The following ESRRG variants were observed in gnomAD, a reference collection of about 807,000 sequenced individuals.
ESRRG encodes estrogen-related receptor gamma.
ESRRG carries 13 observed loss-of-function variants against 44.0 expected under a neutral mutation model. The observed-to-expected ratio is 0.30, with a 90% CI of 0.19 to 0.47. The LOEUF (loss-of-function observed/expected upper bound fraction) is 0.47, where lower values mean the gene tolerates loss of function less well. Among genes scored for constraint, ESRRG ranks in the 20% least tolerant of loss-of-function variants. ESRRG has a pLI of 1.00. For missense variants in ESRRG, 395 were observed against 580.6 expected, an observed-to-expected ratio of 0.68 and a Z score of 3.29; for synonymous variants, 215 against 214.6, an observed-to-expected ratio of 1.00 and a Z score of -0.02.
chr1:216,565,937 T>G (rs1354750228), intron 4 of ESRRG, among the ~76,000 whole-genome samples: 1 of 151,694 alleles, frequency 6.6e-6, no homozygotes, highest in Non-Finnish European at 1.5e-5. Context: ...GAAAATCCAA[T>G]AGTAAAGAGC....
At chr1:216,792,764 A>G (rs2094357712) in intron 2 of ESRRG, among the ~76,000 whole-genome samples, 2 of 152,198 alleles carry the variant, frequency 1.3e-5, no homozygotes, top group African/African-American at 4.8e-5. Flanking sequence ...CAAACTCTGC[A>G]TGAAATGTAG....
At chr1:217,120,800 C>T (rs1249861319) in intron 1 of ESRRG, among the ~76,000 whole-genome samples, 2 of 152,168 alleles carry the variant, frequency 1.3e-5, no homozygotes, top group Non-Finnish European at 2.9e-5. Flanking sequence ...CCTTAGTAGG[C>T]CTCCTATAAT....
intron 5 of ESRRG, among the ~76,000 whole-genome samples, chr1:216,556,929 A>G (rs1473054421): frequency 6.6e-6 from 1 of 152,194 alleles, no homozygotes; most frequent in Non-Finnish European, 1.5e-5. Flanking sequence ...GAGGAAACTA[A>G]GAAGAAACTG....
chr1:216,586,207 T>C (rs898700291), intron 3 of ESRRG, among the ~76,000 whole-genome samples: 1 of 152,152 alleles, frequency 6.6e-6, no homozygotes, highest in African/African-American at 2.4e-5. Flanking sequence ...CCTCCAGTAT[T>C]GTATAAGCCC....
intron 1 of ESRRG, among the ~76,000 whole-genome samples, chr1:217,038,934 G>T (rs967613143): frequency 1.3e-5 from 2 of 152,168 alleles, no homozygotes; most frequent in African/African-American, 4.8e-5. Flanking sequence ...CCTCTTGAAT[G>T]CTTTGCTGCT....
At chr1:216,889,324 G>A (rs957751708) in intron 2 of ESRRG, among the ~76,000 whole-genome samples, 5 of 152,292 alleles carry the variant, frequency 3.3e-5, no homozygotes, top group African/African-American at 7.2e-5. Context: ...AATGGTCAAC[G>A]TAGAGGGTTT....
intron 1 of ESRRG, among the ~76,000 whole-genome samples, chr1:216,681,723 T>G (rs569221040): frequency 6.6e-6 from 1 of 152,274 alleles, no homozygotes; most frequent in East Asian, 1.9e-4. Flanking sequence ...TTTAAAGAAG[T>G]AATTTTTGAA....
chr1:216,633,236 T>C (rs2064600351), intron 3 of ESRRG, among the ~76,000 whole-genome samples: 1 of 152,144 alleles, frequency 6.6e-6, no homozygotes, highest in Non-Finnish European at 1.5e-5. Flanking sequence ...GACAGGTGGA[T>C]GATTTATGCT....
chr1:216,914,651 T>C (rs763133081), intron 2 of ESRRG, among the ~76,000 whole-genome samples: 1 of 152,208 alleles, frequency 6.6e-6, no homozygotes, highest in Non-Finnish European at 1.5e-5. Flanking sequence ...GGTTTGATCT[T>C]GCACATGTTA....
intron 1 of ESRRG, among the ~76,000 whole-genome samples, chr1:216,984,047 A>AT (rs1491412824): frequency 1.5e-5 from 2 of 133,970 alleles, no homozygotes; most frequent in East Asian, 2.6e-4. Context: ...GATAATAAGA[A>AT]TGGGGGGGGG....
upstream of ESRRG, among the ~76,000 whole-genome samples, chr1:217,092,758 G>C (rs1237615078): frequency 6.6e-6 from 1 of 152,168 alleles, no homozygotes; most frequent in Non-Finnish European, 1.5e-5. Context: ...ATAGTGCTAA[G>C]TACAACACTG....
chr1:216,963,159 TA>T (rs2069474227), intron 1 of ESRRG, among the ~76,000 whole-genome samples: 1 of 152,206 alleles, frequency 6.6e-6, no homozygotes, highest in South Asian at 2.1e-4. Context: ...TTCATCTACC[TA>T]AAGAATAATT....
chr1:216,719,682 A>G (rs910786601), intron 1 of ESRRG, among the ~76,000 whole-genome samples: 1 of 146,334 alleles, frequency 6.8e-6, no homozygotes, highest in African/African-American at 2.8e-5. Context: ...CAATTTAGGG[A>G]AAAAAACAGA....
chr1:216,698,397 T>C (rs1175373947), intron 1 of ESRRG, among the ~76,000 whole-genome samples: 1 of 151,368 alleles, frequency 6.6e-6, no homozygotes, highest in Non-Finnish European at 1.5e-5. Flanking sequence ...GGGGCGCCTG[T>C]AGTCCCAGCT....
rs1284415776 is a variant in ESRRG, at chr1:216,504,834, T to C, written c.*2105A>G. ...TATGATTTTGATGTGTATCTGTTCA[T>C]AATGAATACTTGTTTGGAGTTTCAA... is the stretch of plus-strand genomic sequence containing the variant. On this transcript the variant is annotated 3_prime_UTR_variant, in exon 7 of 7. Coordinates refer to ENST00000408911, the MANE Select transcript of ESRRG (RefSeq NM_001438.4). 1 of 152,668 alleles carries C rather than the reference T, an allele frequency of 6.6e-6. No homozygotes were observed. Among genetic ancestry groups the C allele is most frequent in the Non-Finnish European group, 1.5e-5 (1 of 68,036 alleles). The allele number at this position is 152,668 out of a possible 1,614,324, so 9.5% of individuals were successfully genotyped here. A position where few individuals can be genotyped will look rare whatever the true frequency, so the allele number is the denominator to read the frequency against.
chr1:216,901,567 C>T (rs1441540618), intron 2 of ESRRG, among the ~76,000 whole-genome samples: 2 of 152,152 alleles, frequency 1.3e-5, no homozygotes, highest in African/African-American at 2.4e-5. Flanking sequence ...AACAAGGTCT[C>T]CCTATATTGC....
At chr1:216,880,656 C>G (rs2818812) in intron 2 of ESRRG, among the ~76,000 whole-genome samples, 87,516 of 151,994 alleles carry the variant, frequency 0.58, 27,224 homozygotes, top group African/African-American at 0.83. Context: ...ATAACACCAA[C>G]ATCAGTTACT....
chr1:216,818,514 C>A (rs1440386894), intron 2 of ESRRG, among the ~76,000 whole-genome samples: 1 of 152,142 alleles, frequency 6.6e-6, no homozygotes, highest in Admixed American at 6.5e-5. Context: ...CAACAAGATG[C>A]CTGGCATGGT....
chr1:216,818,215 A>G (rs1158852110), intron 2 of ESRRG, among the ~76,000 whole-genome samples: 1 of 152,228 alleles, frequency 6.6e-6, no homozygotes, highest in Non-Finnish European at 1.5e-5. Context: ...GATGGGGGGA[A>G]ATGAAGTGAC....
Sources: gnomAD v4.1 joint callset for allele counts (sites outside exome capture counted in the v4.1 genomes callset) on GRCh38, gnomAD v4.1.1 for gene constraint, MANE v1.5 for transcripts, NCBI Gene and HGNC (gene_info 2026-07-23, HGNC 2026-07-21) for gene names.